Variants in STK3 observed in about 807,000 individuals in gnomAD.
STK3 encodes serine/threonine kinase 3.
In STK3, 41 loss-of-function variants were observed where a neutral mutation model predicts 58.0. That is an observed-to-expected ratio of 0.71 (90% CI 0.55 to 0.92). STK3 has a LOEUF of 0.92. Among genes scored for constraint, STK3 ranks in the 40% least tolerant of loss-of-function variants. STK3 has a pLI of 0.00. For synonymous variants in STK3, 170 were observed against 191.0 expected, an observed-to-expected ratio of 0.89 and a Z score of 0.91; for missense variants, 479 against 602.7, an observed-to-expected ratio of 0.79 and a Z score of 2.15.
At chr8:98,915,613 T>C (rs1450189211) in intron 1 of STK3, among the ~76,000 whole-genome samples, 1 of 151,898 alleles carries the variant, frequency 6.6e-6, no homozygotes, top group African/African-American at 2.4e-5. Context: ...GAAATCTTTT[T>C]GAAATGCAAA....
chr8:98,614,716 G>A (rs1439823952), intron 6 of STK3, among the ~76,000 whole-genome samples: 4 of 152,182 alleles, frequency 2.6e-5, no homozygotes, highest in Non-Finnish European at 4.4e-5. Context: ...CTGGAAAATC[G>A]GGTCACTCTC....
intron 7 of STK3, among the ~76,000 whole-genome samples, chr8:98,585,985 G>A (rs1352570043): frequency 1.3e-5 from 2 of 152,126 alleles, no homozygotes; most frequent in African/African-American, 4.8e-5. Context: ...ATCAGCTTAA[G>A]GAGATTTTGG....
At chr8:98,623,532 C>T (rs1818486679) in intron 6 of STK3, among the ~76,000 whole-genome samples, 2 of 152,146 alleles carry the variant, frequency 1.3e-5, no homozygotes, top group South Asian at 2.1e-4. Context: ...GCCTGTAATC[C>T]CAGCACTTTG....
chr8:98,910,134 T>A (rs1218264739), intron 1 of STK3, among the ~76,000 whole-genome samples: 1 of 152,274 alleles, frequency 6.6e-6, no homozygotes, highest in East Asian at 1.9e-4. Flanking sequence ...TGGTCTCTTG[T>A]ACAGCTTTCT....
chr8:98,346,941 AATT>A, the STK3 span, among the ~76,000 whole-genome samples: 175 of 152,010 alleles, frequency 1.2e-3, 3 homozygotes, highest in African/African-American at 4.0e-3. Flanking sequence ...TTTAAAATAT[AATT>A]ATATTTTTAA....
chr8:98,741,396 T>A (rs1829195317), intron 4 of STK3, among the ~76,000 whole-genome samples: 1 of 152,156 alleles, frequency 6.6e-6, no homozygotes, highest in Non-Finnish European at 1.5e-5. Context: ...ACAAACTGTC[T>A]CTCAGACCAC....
intron 1 of STK3, among the ~76,000 whole-genome samples, chr8:98,449,337 C>T (rs116544580): frequency 6.1e-4 from 93 of 152,194 alleles, no homozygotes; most frequent in African/African-American, 2.1e-3. Flanking sequence ...ACCCATGCCT[C>T]CAGATAGTTC....
chr8:98,888,370 A>G (rs554341159), intron 1 of STK3, among the ~76,000 whole-genome samples: 1 of 152,260 alleles, frequency 6.6e-6, no homozygotes, highest in South Asian at 2.1e-4. Context: ...ATTGGGAAAA[A>G]TCAAATAGCA....
chr8:98,814,340 C>T (rs927886978), intron 1 of STK3, among the ~76,000 whole-genome samples: 1 of 148,914 alleles, frequency 6.7e-6, no homozygotes, highest in Non-Finnish European at 1.5e-5. Flanking sequence ...CGTGAGCCAC[C>T]GCGCCCAGCA....
At chr8:98,764,226 C>G (rs966561651) in intron 3 of STK3, among the ~76,000 whole-genome samples, 4 of 152,222 alleles carry the variant, frequency 2.6e-5, no homozygotes, top group African/African-American at 9.6e-5. Flanking sequence ...ACATTTCCTT[C>G]TCATTGTATT....
chr8:98,928,318 T>C (rs1839880276), intron 1 of STK3, among the ~76,000 whole-genome samples: 1 of 152,230 alleles, frequency 6.6e-6, no homozygotes, highest in Admixed American at 6.5e-5. Context: ...TACTCTGCCT[T>C]ATCAATACCT....
At chr8:98,466,515 C>T (rs964310146) in intron 10 of STK3, among the ~76,000 whole-genome samples, 1 of 152,146 alleles carries the variant, frequency 6.6e-6, no homozygotes, top group Admixed American at 6.5e-5. Flanking sequence ...CATGAGCTTG[C>T]ACCAATTTAC....
intron 1 of STK3, among the ~76,000 whole-genome samples, chr8:98,813,007 C>A: frequency 1.4e-5 from 2 of 146,118 alleles, no homozygotes; most frequent in Non-Finnish European, 3.0e-5. Context: ...GCACGTTGTG[C>A]ACATGTACCC....
At chr8:98,854,505 A>G (rs1455141880) in intron 3 of STK3, among the ~76,000 whole-genome samples, 2 of 152,204 alleles carry the variant, frequency 1.3e-5, no homozygotes, top group African/African-American at 4.8e-5. Context: ...CTAAAAAATT[A>G]CAGTTAACAA....
the STK3 span, among the ~76,000 whole-genome samples, chr8:98,356,912 C>T: frequency 6.6e-6 from 1 of 152,126 alleles, no homozygotes; most frequent in African/African-American, 2.4e-5. Flanking sequence ...TGAGCGTGGT[C>T]GGTCTGTGGC....
At chr8:98,526,547 C>T (rs1825754386) in intron 10 of STK3, 195 bp downstream of exon 10, 1 of 388,762 alleles carries the variant, frequency 2.6e-6, no homozygotes, top group Non-Finnish European at 4.4e-6. Flanking sequence ...TATTTCTCTG[C>T]AAGTACATTT....
chr8:98,841,848 A>G (rs1836001782), intron 3 of STK3, among the ~76,000 whole-genome samples: 1 of 152,126 alleles, frequency 6.6e-6, no homozygotes, highest in Non-Finnish European at 1.5e-5. Flanking sequence ...CAATCAGGAA[A>G]GACAAAGTAT....
At chr8:98,521,559 C>A (rs889119854) in intron 10 of STK3, among the ~76,000 whole-genome samples, 1 of 152,102 alleles carries the variant, frequency 6.6e-6, no homozygotes, top group African/African-American at 2.4e-5. Flanking sequence ...TACTTTTCAT[C>A]ATGTCATCCT....
At chr8:98,745,801 C>G (rs1829601135) in intron 4 of STK3, among the ~76,000 whole-genome samples, 1 of 152,100 alleles carries the variant, frequency 6.6e-6, no homozygotes, top group African/African-American at 2.4e-5. Flanking sequence ...CTCAAAAGTA[C>G]AGTCATGTGT....
Sources: gnomAD v4.1 joint callset for allele counts (sites outside exome capture counted in the v4.1 genomes callset) on GRCh38, gnomAD v4.1.1 for gene constraint, MANE v1.5 for transcripts, NCBI Gene and HGNC (gene_info 2026-07-23, HGNC 2026-07-21) for gene names.